SYT1: variants seen among roughly 807,000 people sequenced by gnomAD.
The protein encoded by SYT1 is synaptotagmin-1.
A neutral mutation model predicts 44.8 loss-of-function variants in SYT1; 8 were observed. The observed-to-expected ratio is 0.18, with a 90% confidence interval of 0.10 to 0.32. The LOEUF is 0.32. Ranked by LOEUF, SYT1 falls within the 10% of genes least tolerant of loss-of-function variation. The pLI is 1.00. For missense variants in SYT1, 286 were observed against 509.3 expected (o/e 0.56, Z 4.22); for synonymous variants, 154 against 188.8 (o/e 0.82, Z 1.51).
chr12:79,394,430 C>A (rs1024999507), intron 9 of SYT1, among the ~76,000 whole-genome samples: 1 of 152,144 alleles, frequency 6.6e-6, no homozygotes, highest in African/African-American at 2.4e-5. Flanking sequence ...GTGTAGGCAA[C>A]TGACAAACAC....
chr12:79,303,599 G>C (rs1045580197), intron 8 of SYT1, among the ~76,000 whole-genome samples: 3 of 152,048 alleles, frequency 2.0e-5, no homozygotes, highest in African/African-American at 4.8e-5. Flanking sequence ...ATTAAAACAA[G>C]TTGGAACATA....
At chr12:79,390,618 G>T (rs927056671) in intron 9 of SYT1, among the ~76,000 whole-genome samples, 4 of 152,078 alleles carry the variant, frequency 2.6e-5, no homozygotes, top group Non-Finnish European at 5.9e-5. Context: ...CATGGAAAAT[G>T]AGGGTTTAGC....
chr12:79,236,513 A>G (rs1480597105), intron 4 of SYT1, among the ~76,000 whole-genome samples: 1 of 152,200 alleles, frequency 6.6e-6, no homozygotes, highest in African/African-American at 2.4e-5. Flanking sequence ...GACTCAATTC[A>G]AATGCTAGCT....
At chr12:79,059,863 A>G (rs914048035) in intron 3 of SYT1, among the ~76,000 whole-genome samples, 2 of 152,036 alleles carry the variant, frequency 1.3e-5, no homozygotes, top group African/African-American at 2.4e-5. Flanking sequence ...GCATTTTCAT[A>G]TCTATATTTC....
chr12:79,096,367 A>C (rs1174131624), intron 3 of SYT1, among the ~76,000 whole-genome samples: 1 of 151,932 alleles, frequency 6.6e-6, no homozygotes, highest in Non-Finnish European at 1.5e-5. Context: ...AAATATGCCA[A>C]AGAGGTACAC....
chr12:79,249,386 G>A (rs1436359404), intron 4 of SYT1, among the ~76,000 whole-genome samples: 1 of 151,176 alleles, frequency 6.6e-6, no homozygotes, highest in Non-Finnish European at 1.5e-5. Flanking sequence ...TTACAGGCTT[G>A]AGCCACCGCG....
At chr12:78,983,478 T>C (rs1869417983) in intron 2 of SYT1, among the ~76,000 whole-genome samples, 1 of 152,076 alleles carries the variant, frequency 6.6e-6, no homozygotes, top group Non-Finnish European at 1.5e-5. Flanking sequence ...TCATAAACTA[T>C]CTGTCAAGAA....
In SYT1 at chr12:79,449,429, G is replaced by A. The variant is rs543801212; in HGVS notation, c.*305G>A. ...CCAGTATGCTAAAGATTTATTTCTA[G>A]TTTGTGTATTTGTATGTTGTAAGCG... On this transcript the variant is annotated 3_prime_UTR_variant, in exon 11 of 11. Transcript: ENST00000261205. 12 of 309,576 alleles carry A rather than the reference G, an allele frequency of 3.9e-5. No homozygotes were observed. Among genetic ancestry groups the A allele is most frequent in the Non-Finnish European group, 6.6e-5 (11 of 165,652 alleles). The allele number at this position is 309,576 out of a possible 1,614,324, so 19.2% of individuals were successfully genotyped here.
At chr12:79,126,500 C>T (rs934313000) in intron 3 of SYT1, among the ~76,000 whole-genome samples, 1 of 152,148 alleles carries the variant, frequency 6.6e-6, no homozygotes, top group African/African-American at 2.4e-5. Flanking sequence ...ACCTCATGAT[C>T]CACCCACCTC....
intron 3 of SYT1, among the ~76,000 whole-genome samples, chr12:79,105,187 G>A (rs989976656): frequency 4.6e-5 from 7 of 152,262 alleles, no homozygotes; most frequent in African/African-American, 1.4e-4. Flanking sequence ...TTTGTTTAGC[G>A]TTGACCACAT....
chr12:78,995,519 C>T (rs112951349), intron 2 of SYT1, among the ~76,000 whole-genome samples: 1 of 152,236 alleles, frequency 6.6e-6, no homozygotes, highest in African/African-American at 2.4e-5. Context: ...GATGTAATCA[C>T]CTGAAGCAGC....
At chr12:78,886,673 A>C (rs923379337) in intron 1 of SYT1, among the ~76,000 whole-genome samples, 9 of 152,180 alleles carry the variant, frequency 5.9e-5, no homozygotes, top group Admixed American at 5.2e-4. Flanking sequence ...GCATTCAGCC[A>C]CATTTGAATA....
intron 3 of SYT1, among the ~76,000 whole-genome samples, chr12:79,110,836 G>T (rs1878971932): frequency 6.6e-6 from 1 of 152,098 alleles, no homozygotes; most frequent in African/African-American, 2.4e-5. Context: ...AGTACGACCT[G>T]CAGTTATAAT....
At chr12:78,879,833 T>C (rs1308093268) in intron 1 of SYT1, among the ~76,000 whole-genome samples, 1 of 151,780 alleles carries the variant, frequency 6.6e-6, no homozygotes, top group Admixed American at 6.6e-5. Context: ...ACTCTGGCCA[T>C]ATTGGCCTTT....
chr12:78,888,199 G>A (rs1467270076), intron 1 of SYT1, among the ~76,000 whole-genome samples: 2 of 151,702 alleles, frequency 1.3e-5, no homozygotes, highest in Non-Finnish European at 2.9e-5. Flanking sequence ...GGTATTGTAG[G>A]TATTGGCTTT....
intron 3 of SYT1, among the ~76,000 whole-genome samples, chr12:79,202,222 C>T (rs10778512): frequency 0.69 from 104,863 of 152,046 alleles, 36,541 homozygotes; most frequent in Admixed American, 0.73. Flanking sequence ...ATGGCAATGG[C>T]ATTAAGTCCA....
intron 8 of SYT1, among the ~76,000 whole-genome samples, chr12:79,300,552 T>G (rs1026090640): frequency 6.6e-6 from 1 of 151,964 alleles, no homozygotes; most frequent in African/African-American, 2.4e-5. Flanking sequence ...TCTGAGGCTA[T>G]GAACTTTATA....
At chr12:78,933,148 A>G (rs1877848773) in intron 1 of SYT1, among the ~76,000 whole-genome samples, 1 of 152,114 alleles carries the variant, frequency 6.6e-6, no homozygotes, top group South Asian at 2.1e-4. Flanking sequence ...TAGGGCATAG[A>G]TATTTCCTCA....
intron 1 of SYT1, among the ~76,000 whole-genome samples, chr12:78,898,155 A>T (rs1475039849): frequency 1.3e-5 from 2 of 152,102 alleles, no homozygotes; most frequent in African/African-American, 4.8e-5. Flanking sequence ...TGAGCAAATT[A>T]CTTAAACTCA....
Sources: allele counts gnomAD v4.1 joint callset (sites outside exome capture counted in the v4.1 genomes callset), GRCh38; gene constraint gnomAD v4.1.1; transcripts MANE v1.5; gene names NCBI Gene and HGNC (gene_info 2026-07-23, HGNC 2026-07-21).